Variants in CTNNA2 observed in about 807,000 individuals in gnomAD.
CTNNA2 encodes the protein catenin alpha-2.
CTNNA2 carries 42 observed loss-of-function variants against 101.0 expected under a neutral mutation model. The observed-to-expected ratio is 0.42, with a 90% confidence interval of 0.32 to 0.54. CTNNA2 has a LOEUF of 0.54. Ranked by LOEUF, CTNNA2 falls within the 20% of genes least tolerant of loss-of-function variation. The pLI is 0.14. For missense variants in CTNNA2, 871 were observed against 1,223.1 expected (o/e 0.71, Z 4.29); for synonymous variants, 450 against 456.4 (o/e 0.99, Z 0.18).
chr2:80,489,677 G>A (rs1221478278), intron 9 of CTNNA2, among the ~76,000 whole-genome samples: 1 of 152,090 alleles, frequency 6.6e-6, no homozygotes, highest in East Asian at 1.9e-4. Context: ...CTATCTAGGA[G>A]GAAATAAAAC....
intron 2 of CTNNA2, among the ~76,000 whole-genome samples, chr2:79,657,743 G>GA (rs139122164): frequency 0.04 from 6,054 of 150,800 alleles, 381 homozygotes; most frequent in African/African-American, 0.14. Context: ...GCATAAGTGT[G>GA]AAAAAAAATA....
At chr2:79,610,878 A>AT (rs1678227341) in intron 1 of CTNNA2, among the ~76,000 whole-genome samples, 1 of 152,132 alleles carries the variant, frequency 6.6e-6, no homozygotes, top group Non-Finnish European at 1.5e-5. Flanking sequence ...TGTTAAAAAT[A>AT]AAGTAACATG....
At chr2:79,293,858 A>G (rs987137108) in intron 2 of CTNNA2, among the ~76,000 whole-genome samples, 17 of 152,152 alleles carry the variant, frequency 1.1e-4, no homozygotes, top group African/African-American at 2.7e-4. Context: ...TTCACCTTCA[A>G]TCTTTATTAG....
intron 9 of CTNNA2, among the ~76,000 whole-genome samples, chr2:80,493,339 C>G (rs1375987933): frequency 2.0e-5 from 3 of 152,180 alleles, no homozygotes; most frequent in Non-Finnish European, 4.4e-5. Context: ...CCACGGTGAT[C>G]AGCGTCTCTG....
intron 7 of CTNNA2, among the ~76,000 whole-genome samples, chr2:80,149,433 G>A (rs568840680): frequency 2.2e-4 from 34 of 152,008 alleles, no homozygotes; most frequent in Non-Finnish European, 3.4e-4. Context: ...ATACACATGC[G>A]CACACACACA....
intron 9 of CTNNA2, among the ~76,000 whole-genome samples, chr2:80,502,096 T>C (rs1687922781): frequency 6.6e-6 from 1 of 152,126 alleles, no homozygotes; most frequent in South Asian, 2.1e-4. Flanking sequence ...TGCCAGCAAA[T>C]AGAAAAACCT....
intron 2 of CTNNA2, among the ~76,000 whole-genome samples, chr2:79,730,577 T>G (rs969225101): frequency 6.6e-6 from 1 of 152,064 alleles, no homozygotes; most frequent in African/African-American, 2.4e-5. Context: ...AATGGATTAT[T>G]TATATTTTTC....
intron 2 of CTNNA2, among the ~76,000 whole-genome samples, chr2:79,720,824 G>A (rs1161326475): frequency 6.6e-6 from 1 of 152,046 alleles, no homozygotes; most frequent in South Asian, 2.1e-4. Flanking sequence ...CTTCAGGGAA[G>A]ATAGTTTTAT....
intron 7 of CTNNA2, among the ~76,000 whole-genome samples, chr2:80,154,495 G>A (rs760001428): frequency 3.9e-5 from 6 of 152,156 alleles, no homozygotes; most frequent in African/African-American, 7.2e-5. Flanking sequence ...ATGTGATTAC[G>A]AGGGGTAGGG....
intron 1 of CTNNA2, among the ~76,000 whole-genome samples, chr2:79,636,505 GAGTAT>G (rs1208658797): frequency 6.6e-6 from 1 of 151,810 alleles, no homozygotes; most frequent in Non-Finnish European, 1.5e-5. Flanking sequence ...AAGACCAGGA[GAGTAT>G]AGTATTCTAT....
At chr2:79,951,254 C>T (rs569477577) in intron 7 of CTNNA2, among the ~76,000 whole-genome samples, 1 of 152,262 alleles carries the variant, frequency 6.6e-6, no homozygotes, top group South Asian at 2.1e-4. Flanking sequence ...TAAAAAAGTA[C>T]AGATATCAAA....
chr2:79,280,383 C>G (rs1478680623), intron 2 of CTNNA2, among the ~76,000 whole-genome samples: 2 of 152,062 alleles, frequency 1.3e-5, no homozygotes, highest in African/African-American at 4.8e-5. Flanking sequence ...GCCTTGACTG[C>G]TGTCTGCCCA....
At chr2:79,326,754 T>C (rs1322790330) in intron 3 of CTNNA2, among the ~76,000 whole-genome samples, 1 of 152,166 alleles carries the variant, frequency 6.6e-6, no homozygotes, top group Non-Finnish European at 1.5e-5. Context: ...GAGCTTCAAG[T>C]TGTGTTTTTA....
chr2:79,696,010 C>G (rs1416074630), intron 2 of CTNNA2, among the ~76,000 whole-genome samples: 1 of 151,958 alleles, frequency 6.6e-6, no homozygotes, highest in African/African-American at 2.4e-5. Flanking sequence ...TGCCCCAGGT[C>G]TATCCTGTCC....
chr2:79,554,198 A>G (rs7568795), intron 1 of CTNNA2, among the ~76,000 whole-genome samples: 10,782 of 152,120 alleles, frequency 0.071, 430 homozygotes, highest in African/African-American at 0.091. Flanking sequence ...ACCTGATGGC[A>G]CATGAAACCT....
At chr2:80,370,969 T>A (rs1391163629) in intron 7 of CTNNA2, among the ~76,000 whole-genome samples, 2 of 152,190 alleles carry the variant, frequency 1.3e-5, no homozygotes, top group African/African-American at 4.8e-5. Context: ...TGTAGAGAAG[T>A]ATGATTGAGC....
At chr2:80,046,706 G>A (rs999660312) in intron 7 of CTNNA2, among the ~76,000 whole-genome samples, 8 of 152,268 alleles carry the variant, frequency 5.3e-5, no homozygotes, top group Middle Eastern at 3.4e-3. Context: ...CAAAGGACTC[G>A]AAGAAGATGC....
chr2:80,238,846 C>T (rs1208176503), intron 7 of CTNNA2, among the ~76,000 whole-genome samples: 1 of 152,144 alleles, frequency 6.6e-6, no homozygotes, highest in Non-Finnish European at 1.5e-5. Context: ...GAATTCACGC[C>T]ACAGGGATAA....
intron 18 of CTNNA2, among the ~76,000 whole-genome samples, chr2:80,628,540 A>T (rs1251353829): frequency 6.6e-6 from 1 of 151,908 alleles, no homozygotes; most frequent in Non-Finnish European, 1.5e-5. Flanking sequence ...CAGAAAGCTG[A>T]AGTTGGATCC....
Sources: allele counts gnomAD v4.1 joint callset (sites outside exome capture counted in the v4.1 genomes callset), GRCh38; gene constraint gnomAD v4.1.1; transcripts MANE v1.5; gene names NCBI Gene and HGNC (gene_info 2026-07-23, HGNC 2026-07-21).